The following LRP8 variants were observed in gnomAD, a reference collection of about 807,000 sequenced individuals.
LRP8 encodes the protein LDL receptor related protein 8.
A neutral mutation model predicts 111.6 loss-of-function variants in LRP8; 46 were observed. The observed-to-expected ratio is 0.41, with a 90% CI of 0.33 to 0.53. The LOEUF (loss-of-function observed/expected upper bound fraction) is 0.53. LRP8 is among the 20% of genes least tolerant of loss of function. LRP8 has a pLI of 0.20. For synonymous variants in LRP8, 464 were observed against 511.2 expected (o/e 0.91, Z 1.24); for missense variants, 959 against 1,297.4 (o/e 0.74, Z 4.01).
Position 53,264,371 on chromosome 1 carries a change from G to C in LRP8, c.1453C>G (p.Pro485Ala). The change falls in exon 10 of 19, where the codon CCG (proline) becomes GCG (alanine). Residue 485 changes from proline (P) to alanine (A), a missense_variant. By Grantham distance (27) the Pro-to-Ala change is conservative (BLOSUM62 -1). Around this residue, in one of 3 missense-constraint regions of LRP8, gnomAD observed 819 missense variants for 1,097.6 expected, o/e 0.75. Transcript: ENST00000306052. ...YSAYMDKASD[P>A]KEQEVLIDEQ... ...TCAATGAGGACCTCCTGCTCTTTCG[G>C]GTCACTGGCCTTGTCCATGTAGGCG... 6.2e-7 allele frequency: 1 copy of C among 1,613,910 alleles called. No individual in the cohort carries two copies. The highest frequency in any genetic ancestry group is 8.5e-7 in the Non-Finnish European group (1 of 1,179,914).
In LRP8 at chr1:53,289,497, C is replaced by T; in HGVS notation, c.367+70G>A. On this transcript the variant is annotated intron_variant, in intron 3 of 18. Coordinates refer to ENST00000306052, the MANE Select transcript of LRP8 (RefSeq NM_004631.5). ...AACTGGTTACCTCTCCTGAGCCTCACAGCCTCTCAAGGAAGATCTGAGGAG... is the reference window on the plus strand; with the variant it reads ...AACTGGTTACCTCTCCTGAGCCTCATAGCCTCTCAAGGAAGATCTGAGGAG... 3 of 1,530,106 alleles carry T rather than the reference C, an allele frequency of 2.0e-6. No individual in the cohort carries two copies. In the South Asian group the frequency reaches 3.6e-5, roughly 19 times the overall value. 94.8% of individuals were successfully genotyped at this position (1,530,106 alleles called of 1,614,324 possible).
intron 13 of LRP8, among the ~76,000 whole-genome samples, chr1:53,260,182 C>T (rs564087690): frequency 2.0e-5 from 3 of 152,304 alleles, no homozygotes; most frequent in East Asian, 3.9e-4. Flanking sequence ...TCTGAGCTTC[C>T]GTTTCCTCAA....
chr1:53,250,340 C>G lies in LRP8; in HGVS notation c.2676+350G>C, dbSNP rs1645853963. On this transcript the variant is annotated intron_variant, in intron 17 of 18. Transcript: ENST00000306052. This position sits in a 1 kb window ranked among gnomAD's most constrained non-coding sequence, Gnocchi z 4.6. ...GAGAGACATTTGGCTTTTTTTACTG[C>G]CAGGAAGAGCCTCTAGGTACAAGGT... 6.6e-6 allele frequency among the ~76,000 whole-genome samples: 1 copy of G among 152,148 alleles called. No homozygotes were observed. The highest frequency in any genetic ancestry group is 1.5e-5 in the Non-Finnish European group (1 of 68,018).
chr1:53,255,054 C>T (rs951257111), intron 16 of LRP8, 63 bp downstream of exon 16: 43 of 1,543,964 alleles, frequency 2.8e-5, no homozygotes, highest in South Asian at 5.6e-5. Flanking sequence ...ACCCTGCTAG[C>T]GCTCTTCCCT....
intron 14 of LRP8, 70 bp downstream of exon 14, chr1:53,258,249 C>A: frequency 1.4e-6 from 2 of 1,478,258 alleles, no homozygotes; most frequent in South Asian, 1.3e-5. Context: ...GTCCCAGAAG[C>A]CAAGGGAAGA....
rs533406280 is a variant in LRP8, at chr1:53,291,439, C to T, written c.245-1750G>A. The stretch of plus-strand genomic sequence containing the variant: ...CTCATCTTCCCCTCCTCATACTTCC[C>T]AATCTAGCCCCACCTCAACTGCCGG... On this transcript the variant is annotated intron_variant, in intron 2 of 18. Coordinates refer to ENST00000306052, the MANE Select transcript of LRP8 (RefSeq NM_004631.5). Among the ~76,000 whole-genome samples, 30 of 152,280 alleles carry T rather than the reference C, an allele frequency of 2.0e-4. 1 individual carries two copies. The South Asian group carries it at 5.4e-3, about 27-fold the overall frequency.
chr1:53,264,391 T>A lies in LRP8; in HGVS notation c.1433A>T (p.Tyr478Phe), dbSNP rs745551058. The change falls in exon 10 of 19, where the codon TAC becomes TTC. Residue 478 changes from tyrosine (Y) to phenylalanine (F), a missense_variant. Transcript: ENST00000306052. ...TTTCGGGTCACTGGCCTTGTCCATG[T>A]AGGCGCTTAAGAGAAAACAGAGATG... Reference protein sequence around the residue: ...DLSYRKIYSAYMDKASDPKEQ... With the variant: ...DLSYRKIYSAFMDKASDPKEQ... 1.2e-6 allele frequency: 2 copies of A among 1,613,178 alleles called. No homozygotes were observed. The highest frequency in any genetic ancestry group is 2.2e-5 in the South Asian group (2 of 90,854).
rs1263512405 is a variant in LRP8, at chr1:53,303,577, C to A, written c.245-13888G>T. Among the ~76,000 whole-genome samples, 2 of 152,208 alleles carry A rather than the reference C, an allele frequency of 1.3e-5. No individual in the cohort carries two copies. Among genetic ancestry groups the A allele is most frequent in the African/African-American group, 4.8e-5 (2 of 41,444 alleles). ...TCTCCCTGTCTCAGGATCTGAGAATCGTAAAACACACAATTTACAAGTACT... is the reference window on the plus strand; with the variant it reads ...TCTCCCTGTCTCAGGATCTGAGAATAGTAAAACACACAATTTACAAGTACT... On this transcript the variant is annotated intron_variant, in intron 2 of 18. Coordinates refer to ENST00000306052, the MANE Select transcript of LRP8 (RefSeq NM_004631.5). This position sits in a 1 kb window ranked among gnomAD's most constrained non-coding sequence, Gnocchi z 4.3.
chr1:53,310,958 G>A (rs1256523119), intron 2 of LRP8, among the ~76,000 whole-genome samples: 1 of 152,154 alleles, frequency 6.6e-6, no homozygotes, highest in Non-Finnish European at 1.5e-5. Flanking sequence ...CCCGGGTCAT[G>A]CCTGCCCAGC....
chr1:53,291,205 G>T (rs1348925013), intron 2 of LRP8, among the ~76,000 whole-genome samples: 1 of 152,124 alleles, frequency 6.6e-6, no homozygotes, highest in Non-Finnish European at 1.5e-5. Context: ...AGACCAGGAG[G>T]CCCAGAAATG....
chr1:53,322,044 C>T (rs1654586634), intron 2 of LRP8, among the ~76,000 whole-genome samples: 1 of 152,110 alleles, frequency 6.6e-6, no homozygotes. Context: ...GCAGGGGAAG[C>T]AAGGGGTCCG....
At chr1:53,319,075 A>G (rs186604261) in intron 2 of LRP8, among the ~76,000 whole-genome samples, 66 of 152,358 alleles carry the variant, frequency 4.3e-4, no homozygotes, top group Admixed American at 1.3e-3. Context: ...AGAACTACCA[A>G]TAACTGGGTG....
chr1:53,255,233 C>T (rs770453200), intron 15 of LRP8, 48 bp from the exon 16 acceptor site: 1 of 1,555,618 alleles, frequency 6.4e-7, no homozygotes, highest in Non-Finnish European at 8.8e-7. Context: ...ACTGTGTGTC[C>T]AAGCCCCTAC....
intron 2 of LRP8, among the ~76,000 whole-genome samples, chr1:53,315,263 G>A (rs998326926): frequency 6.6e-6 from 1 of 152,182 alleles, no homozygotes; most frequent in Non-Finnish European, 1.5e-5. Context: ...CTTTCTGGGG[G>A]CTCCCTGGCT....
Position 53,279,315 on chromosome 1 carries a change from C to T in LRP8, c.496+1272G>A, listed in dbSNP as rs182493761. 1.5e-4 allele frequency among the ~76,000 whole-genome samples: 23 copies of T among 152,232 alleles called. No individual in the cohort carries two copies. In the East Asian group the frequency reaches 4.1e-3, roughly 27 times the overall value. On this transcript the variant is annotated intron_variant, in intron 4 of 18. Transcript: ENST00000306052. The surrounding 1 kb of genome is among the most constrained non-coding windows in gnomAD (Gnocchi z 4.4). ...TAAGACCTTCTGACACCTCTCTCTC[C>T]CATAATTAATGGGGAATGTTCCTAT...
In LRP8 at chr1:53,262,449, G is replaced by C. The variant is rs772025991; in HGVS notation, c.1771C>G (p.Leu591Val). 5.0e-6 allele frequency: 8 copies of C among 1,613,822 alleles called. No individual in the cohort carries two copies. The highest frequency in any genetic ancestry group is 6.8e-6 in the Non-Finnish European group (8 of 1,179,874). The change falls in exon 11 of 19, where the codon CTG (leucine) becomes GTG (valine). Residue 591 changes from leucine (L) to valine (V), a missense_variant. By Grantham distance (32) the Leu-to-Val change is conservative (BLOSUM62 1). Transcript: ENST00000306052. The surrounding 1 kb of genome is among the most constrained non-coding windows in gnomAD (Gnocchi z 4.8). ...DNIEWPNGITLDLLSQRLYWV... is the reference protein window; with the variant it reads ...DNIEWPNGITVDLLSQRLYWV... ...ACCCAGGAAAGGCAGGGCTCACCCAGGGTGATTCCGTTGGGCCATTCAATA... is the reference window on the plus strand; with the variant it reads ...ACCCAGGAAAGGCAGGGCTCACCCACGGTGATTCCGTTGGGCCATTCAATA...
chr1:53,311,535 G>A (rs1049032782), intron 2 of LRP8, among the ~76,000 whole-genome samples: 1 of 151,972 alleles, frequency 6.6e-6, no homozygotes, highest in Non-Finnish European at 1.5e-5. Context: ...GTCAGGAATC[G>A]GTGCAGACAG....
At chr1:53,323,715 C>T (rs1654797430) in intron 2 of LRP8, among the ~76,000 whole-genome samples, 1 of 152,260 alleles carries the variant, frequency 6.6e-6, no homozygotes, top group African/African-American at 2.4e-5. Context: ...GTGGATGAGG[C>T]TCGGGACTTA....
Position 53,262,637 on chromosome 1 carries a change from A to C in LRP8, c.1656-73T>G, listed in dbSNP as rs1646388102. ...GGGGTGGTCTGAGTCACAAGAGCTC[A>C]ATAACCCATTGACTAGTTGTGGTTT... On this transcript the variant is annotated intron_variant, in intron 10 of 18. Coordinates refer to ENST00000306052, the MANE Select transcript of LRP8 (RefSeq NM_004631.5). The surrounding 1 kb of genome is among the most constrained non-coding windows in gnomAD (Gnocchi z 4.8). 2.6e-6 allele frequency: 3 copies of C among 1,139,208 alleles called. No individual in the cohort carries two copies. The highest frequency in any genetic ancestry group is 4.0e-6 in the Non-Finnish European group (3 of 752,764). The allele number at this position is 1,139,208 out of a possible 1,614,324, so 70.6% of individuals were successfully genotyped here.
Sources: gnomAD v4.1 joint callset for allele counts (sites outside exome capture counted in the v4.1 genomes callset) on GRCh38, gnomAD v4.1.1 for gene constraint, gnomAD v4.1.1 regional missense constraint, Gnocchi (gnomAD v3.1) non-coding constraint, MANE v1.5 for transcripts, NCBI Gene and HGNC (gene_info 2026-07-23, HGNC 2026-07-21) for gene names.